STAG1: variants seen among roughly 807,000 people sequenced by gnomAD.
STAG1 encodes STAG1 cohesin complex component, also known as cohesin subunit SA-1.
In STAG1, 26 loss-of-function variants were observed where a neutral mutation model predicts 170.9. The ratio of observed to expected loss-of-function variants is 0.15; its 90% CI spans 0.11 to 0.21. The LOEUF (loss-of-function observed/expected upper bound fraction) is 0.21, where lower values mean the gene tolerates loss of function less well. STAG1 is among the 10% of genes least tolerant of loss of function. The probability of loss-of-function intolerance (pLI) is 1.00; values close to 1 mark genes in which losing one functional copy is unlikely to be tolerated. For synonymous variants in STAG1, 514 were observed against 497.7 expected (o/e 1.03, Z -0.44); for missense variants, 964 against 1,509.5 (o/e 0.64, Z 5.99).
intron 10 of STAG1, among the ~76,000 whole-genome samples, chr3:136,476,967 A>T (rs1250846740): frequency 4.6e-5 from 7 of 152,204 alleles, no homozygotes; most frequent in Non-Finnish European, 7.3e-5. Context: ...TAGTTTTTAT[A>T]TATTAAGAAA....
At chr3:136,540,847 A>AAAC (rs1935860105) in intron 6 of STAG1, among the ~76,000 whole-genome samples, 1 of 145,460 alleles carries the variant, frequency 6.9e-6, no homozygotes, top group African/African-American at 2.7e-5. Flanking sequence ...AAAAAAAAAA[A>AAAC]AAAAACCTAT....
intron 1 of STAG1, among the ~76,000 whole-genome samples, chr3:136,723,661 G>A (rs1206761285): frequency 2.8e-5 from 4 of 143,102 alleles, no homozygotes; most frequent in African/African-American, 2.6e-5. Flanking sequence ...GAGGTGGGGG[G>A]GTCAGCCCCC....
At chr3:136,736,644 C>A in intron 1 of STAG1, 1 of 1,603,918 alleles carries the variant, frequency 6.2e-7, no homozygotes, top group Non-Finnish European at 8.5e-7. Context: ...CTCTCTTTCC[C>A]GTTTGGCTTT....
At chr3:136,377,805 G>C in intron 22 of STAG1, 53 bp from the exon 23 acceptor site, 2 of 1,451,274 alleles carry the variant, frequency 1.4e-6, no homozygotes, top group Non-Finnish European at 1.9e-6. Context: ...ACAGAAAACT[G>C]ATCTAGAAGA....
chr3:136,577,806 GAGGTGGTATA>G (rs1937511513), intron 4 of STAG1, among the ~76,000 whole-genome samples: 1 of 152,200 alleles, frequency 6.6e-6, no homozygotes, highest in South Asian at 2.1e-4. Context: ...TTTACCAAAG[GAGGTGGTATA>G]AAACCATAAC....
rs529820025 is a variant in STAG1 at position 136,400,459 on chromosome 3, A to G, written c.2197-1630T>C. On this transcript the variant is annotated intron_variant, in intron 21 of 33. Coordinates refer to ENST00000383202, the MANE Select transcript of STAG1 (RefSeq NM_005862.3). ...TGGTCTCGAACTTCTGAGATCAGGC[A>G]ATCTGCCCACCTCTGCCTCCCAAAG... Among the ~76,000 whole-genome samples, 35 of 152,108 alleles carry G rather than the reference A, an allele frequency of 2.3e-4. No individual in the cohort carries two copies. In the South Asian group the frequency reaches 6.6e-3, roughly 29 times the overall value.
intron 13 of STAG1, among the ~76,000 whole-genome samples, chr3:136,457,593 C>T (rs2089153935): frequency 6.6e-6 from 1 of 152,148 alleles, no homozygotes; most frequent in Non-Finnish European, 1.5e-5. Flanking sequence ...CTTGTCTTTT[C>T]TCATTCCTTT....
Position 136,512,833 on chromosome 3 carries a change from C to T in STAG1, c.676+8380G>A, listed in dbSNP as rs117135377. 7.0e-4 allele frequency among the ~76,000 whole-genome samples: 107 copies of T among 152,062 alleles called. No homozygotes were observed. In the East Asian group the frequency reaches 0.021, roughly 29 times the overall value. ...TGTCCCATCATGCCAGAGGTGAACA[C>T]ACACACCCCTCTGCTATTGAGCTTT... On this transcript the variant is annotated intron_variant, in intron 7 of 33. Coordinates refer to ENST00000383202, the MANE Select transcript of STAG1 (RefSeq NM_005862.3).
chr3:136,354,164 T>TA (rs1459001042), intron 28 of STAG1, among the ~76,000 whole-genome samples: 12 of 152,222 alleles, frequency 7.9e-5, no homozygotes, highest in African/African-American at 2.9e-4. Context: ...TATAACAATT[T>TA]ATTATTGGGT....
intron 7 of STAG1, among the ~76,000 whole-genome samples, chr3:136,519,930 C>A (rs1033417021): frequency 6.6e-5 from 10 of 152,166 alleles, no homozygotes; most frequent in African/African-American, 2.2e-4. Flanking sequence ...ATATCTCCCT[C>A]TCTTCCTAAT....
intron 16 of STAG1, among the ~76,000 whole-genome samples, chr3:136,431,228 T>C (rs1248443632): frequency 2.0e-5 from 3 of 152,054 alleles, no homozygotes; most frequent in Non-Finnish European, 4.4e-5. Flanking sequence ...TCATTCCTTC[T>C]TGTGGATTTG....
chr3:136,614,298 T>C (rs547247453), intron 3 of STAG1, among the ~76,000 whole-genome samples: 60 of 152,334 alleles, frequency 3.9e-4, no homozygotes, highest in African/African-American at 1.4e-3. Context: ...TGTCAATTGG[T>C]AGTGATGAAG....
intron 1 of STAG1, among the ~76,000 whole-genome samples, chr3:136,702,718 A>G (rs1943118532): frequency 6.6e-6 from 1 of 152,140 alleles, no homozygotes; most frequent in Admixed American, 6.6e-5. Context: ...ACTGACTTCA[A>G]TTATCCAGGT....
At chr3:136,600,130 T>A (rs1326531355) in intron 4 of STAG1, among the ~76,000 whole-genome samples, 1 of 152,220 alleles carries the variant, frequency 6.6e-6, no homozygotes, top group Non-Finnish European at 1.5e-5. Context: ...AGTGATGTTT[T>A]AATAAAAATA....
At chr3:136,617,175 T>C (rs964313275) in intron 3 of STAG1, among the ~76,000 whole-genome samples, 1 of 152,220 alleles carries the variant, frequency 6.6e-6, no homozygotes, top group Non-Finnish European at 1.5e-5. Flanking sequence ...TGCAATTGGT[T>C]TGTCAGTGTC....
chr3:136,465,639 C>T (rs2089434042), intron 12 of STAG1, among the ~76,000 whole-genome samples: 1 of 127,716 alleles, frequency 7.8e-6, no homozygotes, highest in Non-Finnish European at 1.7e-5. Context: ...TAATAATATA[C>T]ATACTAAAAC....
intron 5 of STAG1, among the ~76,000 whole-genome samples, chr3:136,559,918 A>AT (rs1297066293): frequency 6.6e-6 from 1 of 152,116 alleles, no homozygotes; most frequent in African/African-American, 2.4e-5. Flanking sequence ...CATGAATACA[A>AT]TTTTTTTCAA....
intron 12 of STAG1, among the ~76,000 whole-genome samples, chr3:136,467,197 A>G (rs533933758): frequency 6.6e-6 from 1 of 152,350 alleles, no homozygotes; most frequent in African/African-American, 2.4e-5. Flanking sequence ...TGCTCCAATT[A>G]AAAGACACAG....
chr3:136,710,167 G>A (rs1443106805), intron 1 of STAG1, among the ~76,000 whole-genome samples: 1 of 152,122 alleles, frequency 6.6e-6, no homozygotes, highest in Non-Finnish European at 1.5e-5. Context: ...GAAACATGCT[G>A]GGGTTTTTGT....
Sources: gnomAD v4.1 joint callset for allele counts (sites outside exome capture counted in the v4.1 genomes callset) on GRCh38, gnomAD v4.1.1 for gene constraint, MANE v1.5 for transcripts, NCBI Gene and HGNC (gene_info 2026-07-23, HGNC 2026-07-21) for gene names.